Variants in HDAC4 observed in about 807,000 individuals in gnomAD.
HDAC4 encodes the protein histone deacetylase 4.
In HDAC4, 16 loss-of-function variants were observed where a neutral mutation model predicts 135.1. The ratio of observed to expected loss-of-function variants is 0.12; its 90% confidence interval spans 0.08 to 0.18. The LOEUF (loss-of-function observed/expected upper bound fraction) is 0.18, where lower values mean the gene tolerates loss of function less well. HDAC4 is among the 10% of genes least tolerant of loss of function. HDAC4 has a pLI of 1.00. For missense variants in HDAC4, 1,143 were observed against 1,511.8 expected (o/e 0.76, Z 4.05); for synonymous variants, 685 against 653.4 (o/e 1.05, Z -0.74).
intron 1 of HDAC4, among the ~76,000 whole-genome samples, chr2:239,361,754 G>A (rs1386830301): frequency 6.6e-6 from 1 of 152,122 alleles, no homozygotes. Context: ...CTCCTTAGGT[G>A]GTGTGTCTTT....
At chr2:239,101,470 A>C (rs1027068344) in intron 16 of HDAC4, among the ~76,000 whole-genome samples, 4 of 152,182 alleles carry the variant, frequency 2.6e-5, no homozygotes, top group Non-Finnish European at 4.4e-5. Flanking sequence ...CACCTCCTGC[A>C]ACGTGTGCCC....
At chr2:239,065,437 G>C (rs1205726760) in intron 24 of HDAC4, among the ~76,000 whole-genome samples, 7 of 152,224 alleles carry the variant, frequency 4.6e-5, no homozygotes. Flanking sequence ...TCGGATGGTA[G>C]AGTGCTGCCT....
chr2:239,217,697 C>T (rs1048285914), intron 3 of HDAC4, among the ~76,000 whole-genome samples: 2 of 152,126 alleles, frequency 1.3e-5, no homozygotes, highest in Non-Finnish European at 2.9e-5. Flanking sequence ...CCTTCCAAAT[C>T]ACCAGAAGGA....
At chr2:239,253,228 C>T (rs1370151554) in intron 2 of HDAC4, among the ~76,000 whole-genome samples, 1 of 152,212 alleles carries the variant, frequency 6.6e-6, no homozygotes, top group African/African-American at 2.4e-5. Context: ...AAAGAAAACA[C>T]AGAAATTACA....
chr2:239,374,497 G>A (rs962213687), intron 1 of HDAC4, among the ~76,000 whole-genome samples: 15 of 127,862 alleles, frequency 1.2e-4, no homozygotes, highest in Admixed American at 4.8e-4. Context: ...TCCGCCTCCC[G>A]GGTTCACGCC....
chr2:239,242,077 A>AGAAGGAAGGAAG lies in HDAC4; in HGVS notation c.23-5425_23-5414dup, dbSNP rs143185918. 3.7e-3 allele frequency among the ~76,000 whole-genome samples: 551 copies of AGAAGGAAGGAAG among 149,356 alleles called. 2 individuals carry two copies. The highest frequency in any genetic ancestry group is 0.012 in the African/African-American group (487 of 39,244). On this transcript the variant is annotated intron_variant, in intron 2 of 26. Transcript: ENST00000543185. ...AAAGAAAAGAGAAAAAGAAAGAAAG[A>AGAAGGAAGGAAG]GAAGGAAGGAAGGAAGGAAGGAAGG... is the stretch of plus-strand genomic sequence containing the variant.
chr2:239,109,008 G>C (rs1032414471), intron 14 of HDAC4, among the ~76,000 whole-genome samples: 1 of 152,222 alleles, frequency 6.6e-6, no homozygotes, highest in African/African-American at 2.4e-5. Flanking sequence ...CTGTGAAGGG[G>C]AGAGTATCTG....
rs575260790 is a variant in HDAC4 at position 239,266,314 on chromosome 2, CTG to C, written c.23-29652_23-29651del. Among the ~76,000 whole-genome samples, 773 of 152,332 alleles carry C rather than the reference CTG, an allele frequency of 5.1e-3. 2 individuals are homozygous for C. Among genetic ancestry groups the C allele is most frequent in the Non-Finnish European group, 8.8e-3 (600 of 68,006 alleles). The stretch of plus-strand genomic sequence containing the variant: ...GGGACCCTGGTCCCAGGAGCCCACA[CTG>C]AGATTCTGACTGTCCTCAATGCCCT... On this transcript the variant is annotated intron_variant, in intron 2 of 26. Transcript: ENST00000543185.
At chr2:239,368,578 A>G (rs1694386681) in intron 1 of HDAC4, among the ~76,000 whole-genome samples, 1 of 151,966 alleles carries the variant, frequency 6.6e-6, no homozygotes, top group African/African-American at 2.4e-5. Context: ...GGGGGGTACA[A>G]GTGAAGGGCC....
At chr2:239,081,265 G>A in intron 21 of HDAC4, 73 bp from the exon 22 acceptor site, 2 of 1,289,548 alleles carry the variant, frequency 1.6e-6, no homozygotes, top group South Asian at 2.5e-5. Context: ...GCCTGATGCA[G>A]GTGGCACCGG....
chr2:239,241,314 G>A (rs2048163604), intron 2 of HDAC4, among the ~76,000 whole-genome samples: 1 of 152,196 alleles, frequency 6.6e-6, no homozygotes, highest in South Asian at 2.1e-4. Context: ...ACCTGCCTGG[G>A]AACACCTAGT....
intron 1 of HDAC4, among the ~76,000 whole-genome samples, chr2:239,361,376 A>G (rs946231442): frequency 1.3e-5 from 2 of 152,258 alleles, no homozygotes; most frequent in Admixed American, 6.5e-5. Context: ...CAAAGATTCC[A>G]GAAATTCACA....
intron 5 of HDAC4, among the ~76,000 whole-genome samples, chr2:239,174,224 A>T (rs1575290964): frequency 6.6e-6 from 1 of 152,228 alleles, no homozygotes; most frequent in African/African-American, 2.4e-5. Flanking sequence ...TAACATTAAG[A>T]GAGTGAACAG....
intron 2 of HDAC4, chr2:239,298,319 CATCACGTGGAGATGAGAGAAGATGCT>C (rs1044821569): frequency 1.5e-5 from 18 of 1,235,844 alleles, no homozygotes; most frequent in Non-Finnish European, 1.9e-5. Context: ...AGCCCCTGGG[CATCACGTGGAGATGAGAGAAGATGCT>C]TCCAGAACCT....
At chr2:239,081,221 C>T in intron 21 of HDAC4, 29 bp from the exon 22 acceptor site, 1 of 1,582,820 alleles carries the variant, frequency 6.3e-7, no homozygotes. Context: ...AAACACACGT[C>T]ATGGACCCCG....
intron 22 of HDAC4, among the ~76,000 whole-genome samples, chr2:239,073,734 G>C (rs570498592): frequency 6.6e-6 from 1 of 152,390 alleles, no homozygotes; most frequent in East Asian, 1.9e-4. Context: ...ACTGGCCTCA[G>C]AGCGTGCGTG....
intron 1 of HDAC4, among the ~76,000 whole-genome samples, chr2:239,389,797 T>C (rs1696074031): frequency 6.6e-6 from 1 of 152,140 alleles, no homozygotes; most frequent in African/African-American, 2.4e-5. Context: ...GTGAATTCCA[T>C]ACCAGGGAGG....
At position 239,115,034 on chromosome 2, in the gene HDAC4, C is replaced by T. The variant is rs1172972530; in HGVS notation, c.1791+19G>A. On this transcript the variant is annotated intron_variant, in intron 13 of 26. Coordinates refer to ENST00000543185, the MANE Select transcript of HDAC4 (RefSeq NM_001378414.1). The surrounding 1 kb of genome is among the most constrained non-coding windows in gnomAD (Gnocchi z 6.3). The stretch of plus-strand genomic sequence containing the variant: ...GCTGTGCGTGCCAGCCTTCTGGTGC[C>T]CTCCCCGCCTGCGGTCACCTGTCTG... 6.2e-7 allele frequency: 1 copy of T among 1,607,328 alleles called. No homozygotes were observed. The highest frequency in any genetic ancestry group is 2.2e-5 in the East Asian group (1 of 44,854).
Position 239,331,645 on chromosome 2 carries a change from C to T in HDAC4, c.22+21033G>A, listed in dbSNP as rs1691580207. 6.6e-6 allele frequency among the ~76,000 whole-genome samples: 1 copy of T among 152,112 alleles called. No homozygotes were observed. The highest frequency in any genetic ancestry group is 6.5e-5 in the Admixed American group (1 of 15,268). ...ACACGTCGCCAGGGCTGCACTGGACCCACCGTGCGGGGACTGCCAGGTAAA... is the reference window on the plus strand; with the variant it reads ...ACACGTCGCCAGGGCTGCACTGGACTCACCGTGCGGGGACTGCCAGGTAAA... On this transcript the variant is annotated intron_variant, in intron 2 of 26. Coordinates refer to ENST00000543185, the MANE Select transcript of HDAC4 (RefSeq NM_001378414.1). The surrounding 1 kb of genome is among the most constrained non-coding windows in gnomAD (Gnocchi z 4.5).
Sources: gnomAD v4.1 joint callset for allele counts (sites outside exome capture counted in the v4.1 genomes callset) on GRCh38, gnomAD v4.1.1 for gene constraint, Gnocchi (gnomAD v3.1) non-coding constraint, MANE v1.5 for transcripts, NCBI Gene and HGNC (gene_info 2026-07-23, HGNC 2026-07-21) for gene names.